Variants in AFAP1L2 observed in about 807,000 individuals in gnomAD.
AFAP1L2 encodes the protein actin filament-associated protein 1-like 2.
AFAP1L2 carries 46 observed loss-of-function variants against 99.3 expected under a neutral mutation model. The ratio of observed to expected loss-of-function variants is 0.46; its 90% CI spans 0.37 to 0.59. The LOEUF (loss-of-function observed/expected upper bound fraction) is 0.59. Among genes scored for constraint, AFAP1L2 ranks in the 20% least tolerant of loss-of-function variants. AFAP1L2 has a pLI of 0.00. For synonymous variants in AFAP1L2, 397 were observed against 419.1 expected (o/e 0.95, Z 0.64); for missense variants, 959 against 1,034.9 (o/e 0.93, Z 1.01).
chr10:114,332,614 C>T (rs769112827), intron 3 of AFAP1L2, among the ~76,000 whole-genome samples: 7 of 152,222 alleles, frequency 4.6e-5, no homozygotes, highest in Non-Finnish European at 1.0e-4. Flanking sequence ...GCTTCTTAGC[C>T]TGCGTCTTCT....
Position 114,377,561 on chromosome 10 carries a change from A to G in AFAP1L2, c.16+26879T>C, listed in dbSNP as rs1565035545. ...AGTATAACTTAGGCATCAGTGGTCA[A>G]TGTTGCTTATGGAACCAAGGTCTTG... is the stretch of plus-strand genomic sequence containing the variant. On this transcript the variant is annotated intron_variant, in intron 1 of 18. Coordinates refer to ENST00000304129, the MANE Select transcript of AFAP1L2 (RefSeq NM_001001936.3). The surrounding 1 kb of genome is among the most constrained non-coding windows in gnomAD (Gnocchi z 4.0). Among the ~76,000 whole-genome samples the G allele has an allele frequency of 6.6e-6, 1 of 152,248 alleles. No individual in the cohort carries two copies. The highest frequency in any genetic ancestry group is 1.5e-5 in the Non-Finnish European group (1 of 68,046).
At position 114,335,269 on chromosome 10, in the gene AFAP1L2, A is replaced by G. The variant is rs113518053; in HGVS notation, c.146-1974T>C. ...AACTCTAGCATTTAAAGAAAATTGT[A>G]TTTGAGGACATTCACTACAATACTG... On this transcript the variant is annotated intron_variant, in intron 2 of 18. Transcript: ENST00000304129. 2.3e-3 allele frequency among the ~76,000 whole-genome samples: 348 copies of G among 152,248 alleles called. 2 individuals are homozygous for G. The highest frequency in any genetic ancestry group is 7.8e-3 in the African/African-American group (326 of 41,548).
chr10:114,361,596 G>A (rs1281772023), intron 1 of AFAP1L2, among the ~76,000 whole-genome samples: 1 of 152,116 alleles, frequency 6.6e-6, no homozygotes, highest in Non-Finnish European at 1.5e-5. Context: ...TCTGGTGCTG[G>A]GTTTGCAAAG....
chr10:114,319,572 C>G (rs903621206), intron 5 of AFAP1L2: 2 of 1,289,606 alleles, frequency 1.6e-6, no homozygotes, highest in Non-Finnish European at 2.0e-6. Context: ...CCAAGGTGAT[C>G]GTGGCATAAA....
At chr10:114,300,817 C>T (rs1200604747) in intron 13 of AFAP1L2, 127 bp from the exon 14 acceptor site, 10 of 1,314,668 alleles carry the variant, frequency 7.6e-6, no homozygotes, top group Non-Finnish European at 9.3e-6. Context: ...TCCCTCCCTG[C>T]TGGGGGGGCC....
rs1409779260 is a variant in AFAP1L2 at position 114,377,776 on chromosome 10, G to A, written c.16+26664C>T. ...TGAACCAAGTGCTGAGAAACACAGAGGAAGGAGGACCTGTTGGCCTGAGAG... is the reference window on the plus strand; with the variant it reads ...TGAACCAAGTGCTGAGAAACACAGAAGAAGGAGGACCTGTTGGCCTGAGAG... On this transcript the variant is annotated intron_variant, in intron 1 of 18. Coordinates refer to ENST00000304129, the MANE Select transcript of AFAP1L2 (RefSeq NM_001001936.3). The surrounding 1 kb of genome is among the most constrained non-coding windows in gnomAD (Gnocchi z 4.0). Among the ~76,000 whole-genome samples the A allele has an allele frequency of 6.6e-6, 1 of 152,222 alleles. No individual in the cohort carries two copies. The highest frequency in any genetic ancestry group is 1.5e-5 in the Non-Finnish European group (1 of 68,038).
chr10:114,361,379 C>T (rs2052384378), intron 1 of AFAP1L2, among the ~76,000 whole-genome samples: 1 of 152,186 alleles, frequency 6.6e-6, no homozygotes, highest in Non-Finnish European at 1.5e-5. Context: ...AGTAGCATTC[C>T]TGTAATGCCT....
At chr10:114,321,968 G>A (rs12764591) in intron 5 of AFAP1L2, among the ~76,000 whole-genome samples, 2,840 of 152,270 alleles carry the variant, frequency 0.019, 38 homozygotes, top group South Asian at 0.054. Context: ...TAATTCTCAC[G>A]TGTCATGGGA....
At chr10:114,376,904 G>A (rs2137218305) in intron 1 of AFAP1L2, among the ~76,000 whole-genome samples, 1 of 152,234 alleles carries the variant, frequency 6.6e-6, no homozygotes, top group South Asian at 2.1e-4. Context: ...CTCCCTAGAA[G>A]TCACCACCCA....
chr10:114,291,913 C>T (rs2039636632), downstream of AFAP1L2, among the ~76,000 whole-genome samples: 1 of 152,108 alleles, frequency 6.6e-6, no homozygotes, highest in African/African-American at 2.4e-5. Flanking sequence ...GTGCAATGGG[C>T]CCAGGTCTGG....
chr10:114,328,282 C>G (rs953980094), intron 4 of AFAP1L2, among the ~76,000 whole-genome samples: 4 of 152,148 alleles, frequency 2.6e-5, no homozygotes, highest in Non-Finnish European at 5.9e-5. Context: ...ATAAGCATCC[C>G]GAGCCTGTGA....
At chr10:114,347,765 C>T (rs1392027415) in intron 1 of AFAP1L2, among the ~76,000 whole-genome samples, 1 of 152,082 alleles carries the variant, frequency 6.6e-6, no homozygotes, top group Non-Finnish European at 1.5e-5. Flanking sequence ...CCTGCCTTGG[C>T]CTCCCAAAGA....
At chr10:114,360,496 G>A (rs2052125563) in intron 1 of AFAP1L2, among the ~76,000 whole-genome samples, 1 of 117,080 alleles carries the variant, frequency 8.5e-6, no homozygotes. Context: ...TAGATAGATA[G>A]ATAGATAGAT....
the AFAP1L2 span, among the ~76,000 whole-genome samples, chr10:114,286,980 G>A: frequency 1.3e-5 from 2 of 152,180 alleles, no homozygotes; most frequent in Admixed American, 6.5e-5. Flanking sequence ...ACGCGCTGGT[G>A]CAGCCACACA....
At chr10:114,398,625 A>G (rs2057953768) in intron 1 of AFAP1L2, among the ~76,000 whole-genome samples, 1 of 152,260 alleles carries the variant, frequency 6.6e-6, no homozygotes, top group African/African-American at 2.4e-5. Flanking sequence ...CATACAGATG[A>G]GGAAACAAGG....
upstream of AFAP1L2, chr10:114,404,699 G>C (rs1434649564): frequency 2.4e-6 from 1 of 420,506 alleles, no homozygotes. Context: ...GCTGACAGTC[G>C]GCTCTTGAGT....
At chr10:114,359,061 T>C (rs917773806) in intron 1 of AFAP1L2, among the ~76,000 whole-genome samples, 1 of 152,232 alleles carries the variant, frequency 6.6e-6, no homozygotes, top group Non-Finnish European at 1.5e-5. Flanking sequence ...GATCAAATCA[T>C]ATCCTCTGAG....
At position 114,403,976 on chromosome 10, in the gene AFAP1L2, A is replaced by C. The variant is rs539628702; in HGVS notation, c.16+464T>G. Among the ~76,000 whole-genome samples the C allele has an allele frequency of 1.6e-4, 24 of 152,308 alleles. No homozygotes were observed. The South Asian group carries it at 5.0e-3, about 32-fold the overall frequency. ...GTCTGCGCGCCCACTCCACTGCCCA[A>C]GCGCTTTGCCGGGAGCAGGAAGCCC... On this transcript the variant is annotated intron_variant, in intron 1 of 18. Transcript: ENST00000304129.
At chr10:114,400,975 C>T (rs2138456156) in intron 1 of AFAP1L2, among the ~76,000 whole-genome samples, 1 of 152,258 alleles carries the variant, frequency 6.6e-6, no homozygotes, top group East Asian at 1.9e-4. Context: ...AGGTAGCATG[C>T]CCATCTCTTT....
Sources: allele counts gnomAD v4.1 joint callset (sites outside exome capture counted in the v4.1 genomes callset), GRCh38; gene constraint gnomAD v4.1.1; non-coding constraint Gnocchi (gnomAD v3.1); transcripts MANE v1.5; gene names NCBI Gene and HGNC (gene_info 2026-07-23, HGNC 2026-07-21).